CEBPA: variants seen among roughly 807,000 people sequenced by gnomAD.
CEBPA encodes CCAAT enhancer binding protein alpha, also known as CCAAT/enhancer-binding protein alpha.
In CEBPA, 2 loss-of-function variants were observed where a neutral mutation model predicts 5.1. The observed-to-expected ratio is 0.39, with a 90% CI of 0.16 to 1.23. CEBPA has a LOEUF of 1.23. Among genes scored for constraint, CEBPA ranks in the 50% most tolerant of loss-of-function variants. The pLI is 0.34. For synonymous variants in CEBPA, 275 were observed against 264.1 expected, an observed-to-expected ratio of 1.04 and a Z score of -0.40; for missense variants, 455 against 537.4, an observed-to-expected ratio of 0.85 and a Z score of 1.52.
chr19:33,302,231 T>G lies in CEBPA; in HGVS notation c.184A>C (p.Ile62Leu). Residue 62 changes from isoleucine to leucine, a missense_variant, in exon 1 of 1, where the codon ATC (isoleucine) becomes CTC (leucine). By Grantham distance (5) the Ile-to-Leu change is conservative. This residue lies in a region of CEBPA where 143 missense variants were observed against 153.9 expected (regional missense o/e 0.93). Transcript: ENST00000498907. ...LGGICEHETSIDISAYIDPAA... is the reference protein window; with the variant it reads ...LGGICEHETSLDISAYIDPAA... ...GGGTCGATGTAGGCGCTGATGTCGA[T>G]GGACGTCTCGTGCTCGCAGATGCCG... 6.7e-7 allele frequency: 1 copy of G among 1,495,708 alleles called. No individual in the cohort carries two copies. The highest frequency in any genetic ancestry group is 8.9e-7 in the Non-Finnish European group (1 of 1,119,648). 92.7% of individuals were successfully genotyped at this position (1,495,708 alleles called of 1,614,324 possible).
At position 33,302,278 on chromosome 19, in the gene CEBPA, G is replaced by A. The variant is rs2145264231; in HGVS notation, c.137C>T (p.Pro46Leu). Residue 46 changes from proline (P) to leucine (L), a missense_variant, in exon 1 of 1, where the codon CCT (proline) becomes CTT (leucine). By Grantham distance (98) the Pro-to-Leu change is moderately conservative (BLOSUM62 -3). Coordinates refer to ENST00000498907, the MANE Select transcript of CEBPA (RefSeq NM_004364.5). ...GAGPAQPPAP[P>L]AAPEPLGGIC... ...GCCGCCCAGCGGCTCCGGGGCGGCA[G>A]GTGGGGCGGGAGGCTGCGCGGGGCC... The A allele has an allele frequency of 6.7e-7, 1 of 1,483,242 alleles. No individual in the cohort carries two copies. Among genetic ancestry groups the A allele is most frequent in the South Asian group, 1.3e-5 (1 of 77,212 alleles). The allele number at this position is 1,483,242 out of a possible 1,614,324, so 91.9% of individuals were successfully genotyped here. A position where few individuals can be genotyped will look rare whatever the true frequency, so the allele number is the denominator to read the frequency against.
In CEBPA at chr19:33,301,935, G is replaced by A; in HGVS notation, c.480C>T (p.Ile160=). ...VGAPALRPLV[I]KQEPREEDEA... ...CATCCTCCTCGCGGGGCTCCTGCTT[G>A]ATCACCAGCGGCCGCAGCGCCGGCG... Residue 160 remains isoleucine, a synonymous_variant, in exon 1 of 1, where the codon ATC becomes ATT. Coordinates refer to ENST00000498907, the MANE Select transcript of CEBPA (RefSeq NM_004364.5). This position sits in a 1 kb window ranked among gnomAD's most constrained non-coding sequence, Gnocchi z 6.0. The A allele has an allele frequency of 1.6e-6, 2 of 1,219,570 alleles. No homozygotes were observed. The highest frequency in any genetic ancestry group is 1.6e-5 in the African/African-American group (1 of 61,760). The allele number at this position is 1,219,570 out of a possible 1,614,324, so 75.5% of individuals were successfully genotyped here. A position where few individuals can be genotyped will look rare whatever the true frequency, so the allele number is the denominator to read the frequency against.
rs1269033726 is a variant in CEBPA at position 33,302,088 on chromosome 19, C to A, written c.327G>T (p.Pro109=). 1 of 1,300,314 alleles carries A rather than the reference C, an allele frequency of 7.7e-7. No homozygotes were observed. Among genetic ancestry groups the A allele is most frequent in the Non-Finnish European group, 9.8e-7 (1 of 1,018,274 alleles). The allele number at this position is 1,300,314 out of a possible 1,614,324, so 80.5% of individuals were successfully genotyped here. A position where few individuals can be genotyped will look rare whatever the true frequency, so the allele number is the denominator to read the frequency against. The part of the protein sequence containing the change: ...GGGGGGDFDY[P]GAPAGPGGAV... Reference sequence around the variant, plus strand: ...CGCCGCCGGGGCCCGCGGGCGCGCCCGGGTAGTCAAAGTCGCCGCCGCCGC... The same window carrying A: ...CGCCGCCGGGGCCCGCGGGCGCGCCAGGGTAGTCAAAGTCGCCGCCGCCGC... Residue 109 remains proline, a synonymous_variant, in exon 1 of 1, where the codon CCG becomes CCT. Transcript: ENST00000498907.
Position 33,301,236 on chromosome 19 carries a change from C to A in CEBPA, c.*102G>T. 6.8e-7 allele frequency: 1 copy of A among 1,472,022 alleles called. No individual in the cohort carries two copies. Among genetic ancestry groups the A allele is most frequent in the Admixed American group, 2.3e-5 (1 of 44,178 alleles). The allele number at this position is 1,472,022 out of a possible 1,614,324, so 91.2% of individuals were successfully genotyped here. ...CAGGAGGCACCGGAATCTCCTAGTC[C>A]TGGCTCGCACGGCTCGGGCAAGCCT... On this transcript the variant is annotated 3_prime_UTR_variant, in exon 1 of 1. Coordinates refer to ENST00000498907, the MANE Select transcript of CEBPA (RefSeq NM_004364.5). The surrounding 1 kb of genome is among the most constrained non-coding windows in gnomAD (Gnocchi z 6.0).
rs781549846 is a variant in CEBPA, at chr19:33,301,442, G to A, written c.973C>T (p.Arg325Cys). 1.9e-6 allele frequency: 3 copies of A among 1,612,710 alleles called. No individual in the cohort carries two copies. Among genetic ancestry groups the A allele is most frequent in the South Asian group, 2.2e-5 (2 of 91,086 alleles). Residue 325 changes from arginine (R) to cysteine (C), a missense_variant, in exon 1 of 1, where the codon CGC (arginine) becomes TGC (cysteine). By Grantham distance (180) the Arg-to-Cys change is radical. Around this residue, in one of 5 missense-constraint regions of CEBPA, gnomAD observed 118 missense variants for 189.3 expected, o/e 0.62. Coordinates refer to ENST00000498907, the MANE Select transcript of CEBPA (RefSeq NM_004364.5). The surrounding 1 kb of genome is among the most constrained non-coding windows in gnomAD (Gnocchi z 6.0). Reference protein sequence around the residue: ...LELTSDNDRLRKRVEQLSREL... With the variant: ...LELTSDNDRLCKRVEQLSREL... ...CGGCTCAGCTGTTCCACCCGCTTGC[G>A]CAGGCGGTCATTGTCACTGGTCAGC...
rs1378647659 is a variant in CEBPA, at chr19:33,302,506, C to T, written c.-92G>A. 1 of 802,446 alleles carries T rather than the reference C, an allele frequency of 1.2e-6. No homozygotes were observed. The highest frequency in any genetic ancestry group is 1.7e-6 in the Non-Finnish European group (1 of 599,146). 49.7% of individuals were successfully genotyped at this position (802,446 alleles called of 1,614,324 possible). ...CCGCCCACCCGGAGACCCTGCTCGC[C>T]CGCGCCCGCGCACCTCCGGGTCGCG... On this transcript the variant is annotated 5_prime_UTR_variant, in exon 1 of 1. Coordinates refer to ENST00000498907, the MANE Select transcript of CEBPA (RefSeq NM_004364.5).
chr19:33,301,906 G>A lies in CEBPA; in HGVS notation c.509C>T (p.Ala170Val). 2 of 1,302,640 alleles carry A rather than the reference G, an allele frequency of 1.5e-6. No homozygotes were observed. Among genetic ancestry groups the A allele is most frequent in the Non-Finnish European group, 9.8e-7 (1 of 1,019,928 alleles). 80.7% of individuals were successfully genotyped at this position (1,302,640 alleles called of 1,614,324 possible). A position where few individuals can be genotyped will look rare whatever the true frequency, so the allele number is the denominator to read the frequency against. Reference protein sequence around the residue: ...IKQEPREEDEAKQLALAGLFP... With the variant: ...IKQEPREEDEVKQLALAGLFP... Reference sequence around the variant, plus strand: ...GAGGCCGGCCAGCGCCAGCTGCTTGGCTTCATCCTCCTCGCGGGGCTCCTG... The same window carrying A: ...GAGGCCGGCCAGCGCCAGCTGCTTGACTTCATCCTCCTCGCGGGGCTCCTG... Residue 170 changes from alanine (A) to valine (V), a missense_variant, in exon 1 of 1, where the codon GCC becomes GTC. Coordinates refer to ENST00000498907, the MANE Select transcript of CEBPA (RefSeq NM_004364.5). This position sits in a 1 kb window ranked among gnomAD's most constrained non-coding sequence, Gnocchi z 6.0.
Position 33,300,972 on chromosome 19 carries a change from A to C in CEBPA, c.*366T>G. On this transcript the variant is annotated 3_prime_UTR_variant, in exon 1 of 1. Transcript: ENST00000498907. ...CTGTAGCCTCGGGAAGGAGGCAGGAAACCTCCAAATAAAATGACAAGGCAC... is the reference window on the plus strand; with the variant it reads ...CTGTAGCCTCGGGAAGGAGGCAGGACACCTCCAAATAAAATGACAAGGCAC... 1 of 331,478 alleles carries C rather than the reference A, an allele frequency of 3.0e-6. No individual in the cohort carries two copies. The highest frequency in any genetic ancestry group is 4.6e-5 in the East Asian group (1 of 21,664). The allele number at this position is 331,478 out of a possible 1,614,324, so 20.5% of individuals were successfully genotyped here.
In CEBPA at chr19:33,301,120, C is replaced by CA; in HGVS notation, c.*217dup. The CA allele has an allele frequency of 1.4e-6, 1 of 737,038 alleles. No individual in the cohort carries two copies. The highest frequency in any genetic ancestry group is 2.0e-5 in the South Asian group (1 of 50,970). 45.7% of individuals were successfully genotyped at this position (737,038 alleles called of 1,614,324 possible). Reference sequence around the variant, plus strand: ...AGCCCCAAGAATTCTCCCCTCCTCGCAGGGAGAAGCCACCGCCTGGCCCCC... The same window carrying CA: ...AGCCCCAAGAATTCTCCCCTCCTCGCAAGGGAGAAGCCACCGCCTGGCCCCC... On this transcript the variant is annotated 3_prime_UTR_variant, in exon 1 of 1. Transcript: ENST00000498907. The surrounding 1 kb of genome is among the most constrained non-coding windows in gnomAD (Gnocchi z 6.0).
chr19:33,302,383 G>T lies in CEBPA; in HGVS notation c.32C>A (p.Pro11Gln). ...CAGGTGGCTGCTCATCGGGGGCCGC[G>T]GCTCCGCCTCGTAGAAGTCGGCCGA... MESADFYEAE[P>Q]RPPMSSHLQS... The change falls in exon 1 of 1, where the codon CCG becomes CAG. Residue 11 changes from proline to glutamine, a missense_variant. Around this residue, in one of 5 missense-constraint regions of CEBPA, gnomAD observed 143 missense variants for 153.9 expected, o/e 0.93. Transcript: ENST00000498907. The T allele has an allele frequency of 7.7e-7, 1 of 1,303,874 alleles. No individual in the cohort carries two copies. 80.8% of individuals were successfully genotyped at this position (1,303,874 alleles called of 1,614,324 possible).
Position 33,301,445 on chromosome 19 carries a change from G to T in CEBPA, c.970C>A (p.Leu324Met). The T allele has an allele frequency of 6.2e-7, 1 of 1,612,894 alleles. No homozygotes were observed. Among genetic ancestry groups the T allele is most frequent in the Non-Finnish European group, 8.5e-7 (1 of 1,179,804 alleles). The part of the protein sequence containing the change: ...VLELTSDNDR[L>M]RKRVEQLSRE... The stretch of plus-strand genomic sequence containing the variant: ...CTCAGCTGTTCCACCCGCTTGCGCA[G>T]GCGGTCATTGTCACTGGTCAGCTCC... Residue 324 changes from leucine to methionine, a missense_variant, in exon 1 of 1, where the codon CTG (leucine) becomes ATG (methionine). Around this residue, in one of 5 missense-constraint regions of CEBPA, gnomAD observed 118 missense variants for 189.3 expected, o/e 0.62. Coordinates refer to ENST00000498907, the MANE Select transcript of CEBPA (RefSeq NM_004364.5). The surrounding 1 kb of genome is among the most constrained non-coding windows in gnomAD (Gnocchi z 6.0).
chr19:33,301,849 G>T lies in CEBPA; in HGVS notation c.566C>A (p.Pro189His), dbSNP rs1419848112. 1.6e-5 allele frequency: 19 copies of T among 1,197,064 alleles called. No homozygotes were observed. Among genetic ancestry groups the T allele is most frequent in the East Asian group, 8.6e-5 (2 of 23,252 alleles). The allele number at this position is 1,197,064 out of a possible 1,614,324, so 74.2% of individuals were successfully genotyped here. The part of the protein sequence containing the change: ...FPYQPPPPPP[P>H]SHPHPHPPPA... ...CGGCGGGTGCGGGTGCGGGTGCGAGGGCGGCGGCGGCGGCGGCGGCTGGTA... is the reference window on the plus strand; with the variant it reads ...CGGCGGGTGCGGGTGCGGGTGCGAGTGCGGCGGCGGCGGCGGCGGCTGGTA... Residue 189 changes from proline to histidine, a missense_variant, in exon 1 of 1, where the codon CCC becomes CAC. This residue lies in a region of CEBPA where 141 missense variants were observed against 124.1 expected (regional missense o/e 1.14). Transcript: ENST00000498907. This position sits in a 1 kb window ranked among gnomAD's most constrained non-coding sequence, Gnocchi z 6.0.
rs1325138029 is a variant in CEBPA, at chr19:33,301,883, G to A, written c.532C>T (p.Leu178Phe). ...GGCGGCGGCGGCTGGTAAGGGAAGA[G>A]GCCGGCCAGCGCCAGCTGCTTGGCT... Reference protein sequence around the residue: ...DEAKQLALAGLFPYQPPPPPP... With the variant: ...DEAKQLALAGFFPYQPPPPPP... The change falls in exon 1 of 1, where the codon CTC becomes TTC. Residue 178 changes from leucine (L) to phenylalanine (F), a missense_variant. Around this residue, in one of 5 missense-constraint regions of CEBPA, gnomAD observed 141 missense variants for 124.1 expected, o/e 1.14. Coordinates refer to ENST00000498907, the MANE Select transcript of CEBPA (RefSeq NM_004364.5). The surrounding 1 kb of genome is among the most constrained non-coding windows in gnomAD (Gnocchi z 6.0). 3.0e-6 allele frequency: 4 copies of A among 1,330,754 alleles called. No individual in the cohort carries two copies. The South Asian group carries it at 5.3e-5, about 18-fold the overall frequency. The allele number at this position is 1,330,754 out of a possible 1,614,324, so 82.4% of individuals were successfully genotyped here. A position where few individuals can be genotyped will look rare whatever the true frequency, so the allele number is the denominator to read the frequency against.
In CEBPA at chr19:33,301,301, C is replaced by G. The variant is rs767166906; in HGVS notation, c.*37G>C. ...CCCAAACCACTCCCTGGGTCCCCGC[C>G]GGAGGCTGGCCCAGGGCGGTCCCAC... On this transcript the variant is annotated 3_prime_UTR_variant, in exon 1 of 1. Transcript: ENST00000498907. This position sits in a 1 kb window ranked among gnomAD's most constrained non-coding sequence, Gnocchi z 6.0. The G allele has an allele frequency of 1.3e-4, 197 of 1,548,638 alleles. No individual in the cohort carries two copies. The highest frequency in any genetic ancestry group is 1.5e-4 in the Non-Finnish European group (170 of 1,152,368).
rs1600019839 is a variant in CEBPA, at chr19:33,301,050, G to A, written c.*288C>T. ...TGGAGCGGTGAGTTTGCATTTCCAA[G>A]GCACAAGGTTATCCTAAATACTAGA... On this transcript the variant is annotated 3_prime_UTR_variant, in exon 1 of 1. Coordinates refer to ENST00000498907, the MANE Select transcript of CEBPA (RefSeq NM_004364.5). This position sits in a 1 kb window ranked among gnomAD's most constrained non-coding sequence, Gnocchi z 6.0. 1.9e-6 allele frequency: 1 copy of A among 521,714 alleles called. No individual in the cohort carries two copies. Among genetic ancestry groups the A allele is most frequent in the African/African-American group, 1.9e-5 (1 of 52,764 alleles). The allele number at this position is 521,714 out of a possible 1,614,324, so 32.3% of individuals were successfully genotyped here.
chr19:33,302,295 C>T lies in CEBPA; in HGVS notation c.120G>A (p.Ala40=), dbSNP rs1555742292. 6.8e-7 allele frequency: 1 copy of T among 1,464,528 alleles called. No homozygotes were observed. Among genetic ancestry groups the T allele is most frequent in the African/African-American group, 1.5e-5 (1 of 67,804 alleles). The allele number at this position is 1,464,528 out of a possible 1,614,324, so 90.7% of individuals were successfully genotyped here. A position where few individuals can be genotyped will look rare whatever the true frequency, so the allele number is the denominator to read the frequency against. Residue 40 remains alanine, a synonymous_variant, in exon 1 of 1, where the codon GCG becomes GCA. Transcript: ENST00000498907. ...GGGCGGCAGGTGGGGCGGGAGGCTG[C>T]GCGGGGCCCGCGCCCCGGGGAAAGC... is the stretch of plus-strand genomic sequence containing the variant. ...AFGFPRGAGP[A]QPPAPPAAPE...
rs1034038437 is a variant in CEBPA at position 33,300,051 on chromosome 19, G to A, written c.*1287C>T. 9 of 233,296 alleles carry A rather than the reference G, an allele frequency of 3.9e-5. No individual in the cohort carries two copies. The highest frequency in any genetic ancestry group is 3.4e-4 in the Admixed American group (6 of 17,784). The allele number at this position is 233,296 out of a possible 1,614,324, so 14.5% of individuals were successfully genotyped here. A position where few individuals can be genotyped will look rare whatever the true frequency, so the allele number is the denominator to read the frequency against. Reference sequence around the variant, plus strand: ...CTTCCCTGCTCCCAGCCCCAGTGATGCGTTGGCGGGAGGCCACCTCCCTTC... The same window carrying A: ...CTTCCCTGCTCCCAGCCCCAGTGATACGTTGGCGGGAGGCCACCTCCCTTC... On this transcript the variant is annotated 3_prime_UTR_variant, in exon 1 of 1. Coordinates refer to ENST00000498907, the MANE Select transcript of CEBPA (RefSeq NM_004364.5).
In CEBPA at chr19:33,299,968, C is replaced by A. The variant is rs900996640; in HGVS notation, c.*1370G>T. 8.6e-6 allele frequency: 2 copies of A among 232,908 alleles called. No homozygotes were observed. Among genetic ancestry groups the A allele is most frequent in the Non-Finnish European group, 1.7e-5 (2 of 117,848 alleles). 14.4% of individuals were successfully genotyped at this position (232,908 alleles called of 1,614,324 possible). A position where few individuals can be genotyped will look rare whatever the true frequency, so the allele number is the denominator to read the frequency against. ...ATATGTTTATATTATAGATATAATA[C>A]ATAAAACATCTAGAGTGAGACTCTA... On this transcript the variant is annotated 3_prime_UTR_variant, in exon 1 of 1. Transcript: ENST00000498907.
In CEBPA at chr19:33,301,984, T is replaced by C. The variant is rs1967184550; in HGVS notation, c.431A>G (p.Glu144Gly). 1.0e-5 allele frequency: 12 copies of C among 1,206,012 alleles called. No individual in the cohort carries two copies. Among genetic ancestry groups the C allele is most frequent in the Non-Finnish European group, 1.2e-5 (12 of 969,366 alleles). The allele number at this position is 1,206,012 out of a possible 1,614,324, so 74.7% of individuals were successfully genotyped here. A position where few individuals can be genotyped will look rare whatever the true frequency, so the allele number is the denominator to read the frequency against. Residue 144 changes from glutamate to glycine, a missense_variant, in exon 1 of 1, where the codon GAG becomes GGG. Physicochemically the swap from Glu to Gly is moderately conservative, Grantham distance 98 (BLOSUM62 -2). Around this residue, in one of 5 missense-constraint regions of CEBPA, gnomAD observed 141 missense variants for 124.1 expected, o/e 1.14. Coordinates refer to ENST00000498907, the MANE Select transcript of CEBPA (RefSeq NM_004364.5). The surrounding 1 kb of genome is among the most constrained non-coding windows in gnomAD (Gnocchi z 6.0). ...AAAGYLDGRL[E>G]PLYERVGAPA... ...CGCCCCGACGCGCTCGTACAGGGGC[T>C]CCAGCCTGCCGTCCAGGTAGCCGGC...
Sources: gnomAD v4.1 joint callset for allele counts on GRCh38, gnomAD v4.1.1 for gene constraint, gnomAD v4.1.1 regional missense constraint, Gnocchi (gnomAD v3.1) non-coding constraint, MANE v1.5 for transcripts, NCBI Gene and HGNC (gene_info 2026-07-23, HGNC 2026-07-21) for gene names.